Variants in IQGAP1 observed in about 807,000 individuals in gnomAD.
IQGAP1 encodes ras GTPase-activating-like protein IQGAP1.
Under a neutral mutation model 215.6 loss-of-function variants are expected in IQGAP1, and 66 were observed. The ratio of observed to expected loss-of-function variants is 0.31; its 90% CI spans 0.25 to 0.38. The LOEUF (loss-of-function observed/expected upper bound fraction) is 0.38. Among genes scored for constraint, IQGAP1 ranks in the 10% least tolerant of loss-of-function variants. IQGAP1 has a pLI of 1.00. For synonymous variants in IQGAP1, 772 were observed against 728.7 expected (o/e 1.06, Z -0.96); for missense variants, 1,712 against 1,997.1 (o/e 0.86, Z 2.72).
At chr15:90,463,952 G>A (rs1965796199) in intron 15 of IQGAP1, among the ~76,000 whole-genome samples, 1 of 152,150 alleles carries the variant, frequency 6.6e-6, no homozygotes, top group African/African-American at 2.4e-5. Flanking sequence ...AAAACAGGAG[G>A]AAAGCCAAGC....
At chr15:90,466,172 T>A in intron 16 of IQGAP1, 81 bp downstream of exon 16, 4 of 1,572,570 alleles carry the variant, frequency 2.5e-6, no homozygotes, top group Non-Finnish European at 3.5e-6. Context: ...AAGATAGGTA[T>A]GGGGGAACAA....
At chr15:90,491,622 A>G in intron 34 of IQGAP1, 77 bp downstream of exon 34, 1 of 1,162,556 alleles carries the variant, frequency 8.6e-7, no homozygotes. Flanking sequence ...CTGTTCACAT[A>G]ACAGCATAGC....
intron 33 of IQGAP1, among the ~76,000 whole-genome samples, chr15:90,488,230 T>TAATTAATAAATA (rs1555441976): frequency 6.1e-5 from 9 of 147,688 alleles, no homozygotes; most frequent in African/African-American, 2.3e-4. Context: ...CAAAAAATAA[T>TAATTAATAAATA]AATAAATAAA....
intron 35 of IQGAP1, chr15:90,494,061 T>TA (rs1041206239): frequency 6.6e-6 from 1 of 152,252 alleles, no homozygotes; most frequent in African/African-American, 2.4e-5. Context: ...TGCAGATAGA[T>TA]ATAACAGTTG....
At chr15:90,487,633 G>A (rs368821809) in intron 33 of IQGAP1, 51 bp downstream of exon 33, 84 of 1,235,640 alleles carry the variant, frequency 6.8e-5, no homozygotes, top group East Asian at 3.5e-4. Context: ...AAGCTCTCCC[G>A]ATAGGCGCAT....
chr15:90,447,794 C>T (rs1036083685), intron 9 of IQGAP1, among the ~76,000 whole-genome samples: 30 of 152,054 alleles, frequency 2.0e-4, no homozygotes, highest in African/African-American at 5.8e-4. Flanking sequence ...ATTCCTATGA[C>T]GGAAGGTATC....
At chr15:90,487,391 T>C in intron 32 of IQGAP1, 104 bp from the exon 33 acceptor site, 1 of 820,788 alleles carries the variant, frequency 1.2e-6, no homozygotes, top group Non-Finnish European at 2.0e-6. Context: ...GCTTGGGACT[T>C]CTGTGAGGTA....
At chr15:90,442,210 G>T (rs2151019679) in intron 8 of IQGAP1, among the ~76,000 whole-genome samples, 1 of 152,230 alleles carries the variant, frequency 6.6e-6, no homozygotes, top group East Asian at 1.9e-4. Context: ...ATTCTGACTT[G>T]AAAAAACTGA....
At chr15:90,442,290 A>G (rs1191114249) in intron 8 of IQGAP1, among the ~76,000 whole-genome samples, 2 of 150,642 alleles carry the variant, frequency 1.3e-5, no homozygotes, top group East Asian at 2.0e-4. Context: ...AATCCCATCT[A>G]TACTAAAAGT....
At chr15:90,447,367 A>C (rs923929133) in intron 9 of IQGAP1, among the ~76,000 whole-genome samples, 6 of 152,078 alleles carry the variant, frequency 3.9e-5, no homozygotes, top group African/African-American at 1.4e-4. Flanking sequence ...TAGTCTCCTC[A>C]TTGCCCCTAC....
At chr15:90,446,187 T>C (rs1373441130) in intron 9 of IQGAP1, among the ~76,000 whole-genome samples, 1 of 152,238 alleles carries the variant, frequency 6.6e-6, no homozygotes, top group African/African-American at 2.4e-5. Context: ...TTTGTTTTAC[T>C]GAGGGATTTT....
At chr15:90,398,684 C>T (rs1342316948) in intron 2 of IQGAP1, among the ~76,000 whole-genome samples, 2 of 151,970 alleles carry the variant, frequency 1.3e-5, no homozygotes, top group Non-Finnish European at 2.9e-5. Flanking sequence ...AATTATCTAG[C>T]ACAAAGCCTA....
chr15:90,432,218 C>T lies in IQGAP1; in HGVS notation c.391-1501C>T, dbSNP rs1406807807. Among the ~76,000 whole-genome samples the T allele has an allele frequency of 2.6e-5, 4 of 152,146 alleles. No homozygotes were observed. In the East Asian group the frequency reaches 7.7e-4, roughly 29 times the overall value. ...CTACCTTTTCCCCAACTGAACTTCC[C>T]TTCCTCTATAATAAATGGTACCATG... is the stretch of plus-strand genomic sequence containing the variant. On this transcript the variant is annotated intron_variant, in intron 4 of 37. Coordinates refer to ENST00000268182, the MANE Select transcript of IQGAP1 (RefSeq NM_003870.4).
Position 90,486,944 on chromosome 15 carries a change from A to C in IQGAP1, c.4025-10A>C, listed in dbSNP as rs771919829. Reference sequence around the variant, plus strand: ...TTACGCTGACTCTTTCCACCCTCCCAAAACTTCAGGGGAAAGCTCTGGCAA... The same window carrying C: ...TTACGCTGACTCTTTCCACCCTCCCCAAACTTCAGGGGAAAGCTCTGGCAA... On this transcript the variant is annotated splice_polypyrimidine_tract_variant and intron_variant, in intron 31 of 37. Transcript: ENST00000268182. 5 of 1,613,368 alleles carry C rather than the reference A, an allele frequency of 3.1e-6. No homozygotes were observed. The Admixed American group carries it at 8.3e-5, about 27-fold the overall frequency.
At chr15:90,408,859 A>G (rs552718359) in intron 2 of IQGAP1, among the ~76,000 whole-genome samples, 1 of 152,084 alleles carries the variant, frequency 6.6e-6, no homozygotes, top group South Asian at 2.1e-4. Flanking sequence ...GGGTGCAATC[A>G]TAGCTCATGG....
intron 30 of IQGAP1, among the ~76,000 whole-genome samples, chr15:90,485,687 G>A (rs1036922266): frequency 1.3e-5 from 2 of 152,038 alleles, no homozygotes; most frequent in Non-Finnish European, 2.9e-5. Context: ...TGATCCACCC[G>A]CCTTGGCTTC....
chr15:90,447,038 T>C (rs767157394), intron 9 of IQGAP1, among the ~76,000 whole-genome samples: 1 of 152,232 alleles, frequency 6.6e-6, no homozygotes, highest in Admixed American at 6.5e-5. Flanking sequence ...TCTAGTTTGT[T>C]ATCTACATTG....
At chr15:90,395,213 G>T (rs1412737928) in intron 2 of IQGAP1, among the ~76,000 whole-genome samples, 1 of 152,128 alleles carries the variant, frequency 6.6e-6, no homozygotes, top group Non-Finnish European at 1.5e-5. Flanking sequence ...ATAGATCAAG[G>T]ATACATCTTA....
chr15:90,497,790 G>A (rs1442127446), intron 37 of IQGAP1, among the ~76,000 whole-genome samples: 2 of 152,096 alleles, frequency 1.3e-5, no homozygotes, highest in African/African-American at 2.4e-5. Flanking sequence ...AAAAGAACTC[G>A]GGAGTAATTC....
Sources: gnomAD v4.1 joint callset for allele counts (sites outside exome capture counted in the v4.1 genomes callset) on GRCh38, gnomAD v4.1.1 for gene constraint, MANE v1.5 for transcripts, NCBI Gene and HGNC (gene_info 2026-07-23, HGNC 2026-07-21) for gene names.